The following GADL1 variants were observed in gnomAD, a reference collection of about 807,000 sequenced individuals.
GADL1 encodes the protein acidic amino acid decarboxylase GADL1.
In GADL1, 71 loss-of-function variants were observed where a neutral mutation model predicts 69.5. The observed-to-expected ratio is 1.02, with a 90% confidence interval of 0.84 to 1.25. The LOEUF (loss-of-function observed/expected upper bound fraction) is 1.25, where lower values mean the gene tolerates loss of function less well. Ranked by LOEUF, GADL1 falls within the 50% of genes most tolerant of loss-of-function variation. The pLI is 0.00. For synonymous variants in GADL1, 254 were observed against 214.4 expected (o/e 1.18, Z -1.62); for missense variants, 737 against 631.8 (o/e 1.17, Z -1.79).
intron 14 of GADL1, among the ~76,000 whole-genome samples, chr3:30,758,225 C>T (rs527946974): frequency 6.6e-6 from 1 of 151,946 alleles, no homozygotes; most frequent in Non-Finnish European, 1.5e-5. Context: ...AAGTACTATC[C>T]ACATACAGTT....
chr3:30,823,184 G>A (rs1328160592), intron 11 of GADL1, among the ~76,000 whole-genome samples: 1 of 151,912 alleles, frequency 6.6e-6, no homozygotes, highest in Non-Finnish European at 1.5e-5. Context: ...AGGGAGGTAA[G>A]CTAGAGACGT....
intron 13 of GADL1, among the ~76,000 whole-genome samples, chr3:30,779,535 A>G (rs1696612930): frequency 1.3e-5 from 2 of 152,376 alleles, no homozygotes; most frequent in East Asian, 1.9e-4. Context: ...AAATCTACAC[A>G]ATTTATACCT....
chr3:30,735,146 A>G (rs1695524452), intron 14 of GADL1, among the ~76,000 whole-genome samples: 1 of 152,136 alleles, frequency 6.6e-6, no homozygotes, highest in Non-Finnish European at 1.5e-5. Context: ...AAGCTACTTG[A>G]TCCATGCAGT....
chr3:30,844,772 T>A (rs748737871), intron 6 of GADL1, among the ~76,000 whole-genome samples: 1 of 152,120 alleles, frequency 6.6e-6, no homozygotes, highest in Non-Finnish European at 1.5e-5. Flanking sequence ...GCCTACTCCA[T>A]CTGCTCGTGC....
chr3:30,775,725 C>T (rs971225670), intron 14 of GADL1, among the ~76,000 whole-genome samples: 5 of 152,094 alleles, frequency 3.3e-5, no homozygotes, highest in Non-Finnish European at 7.3e-5. Context: ...TGGATATTTA[C>T]TGTATGATCA....
At chr3:30,847,855 A>G (rs1313453874) in intron 6 of GADL1, among the ~76,000 whole-genome samples, 1 of 152,184 alleles carries the variant, frequency 6.6e-6, no homozygotes, top group Non-Finnish European at 1.5e-5. Flanking sequence ...CCCAATTCAT[A>G]AGCCCCACCT....
At chr3:30,777,097 T>G (rs913206757) in intron 14 of GADL1, among the ~76,000 whole-genome samples, 1 of 152,144 alleles carries the variant, frequency 6.6e-6, no homozygotes, top group Non-Finnish European at 1.5e-5. Context: ...AATATTGAGT[T>G]TCTCAAGGGC....
intron 14 of GADL1, among the ~76,000 whole-genome samples, chr3:30,742,359 T>C (rs1184023753): frequency 6.6e-6 from 1 of 151,950 alleles, no homozygotes. Context: ...TCTTAGTTAT[T>C]TAATATATTT....
At chr3:30,734,132 C>T (rs764051271) in intron 14 of GADL1, among the ~76,000 whole-genome samples, 6 of 152,170 alleles carry the variant, frequency 3.9e-5, no homozygotes, top group Non-Finnish European at 1.5e-5. Flanking sequence ...TATTTATCTC[C>T]ATAACTAAAG....
At chr3:30,729,028 CAT>C (rs1695413852) in intron 14 of GADL1, among the ~76,000 whole-genome samples, 1 of 151,842 alleles carries the variant, frequency 6.6e-6, no homozygotes, top group Non-Finnish European at 1.5e-5. Flanking sequence ...ATATTATTCT[CAT>C]ATATGAAATA....
At chr3:30,776,469 GACAAAT>G (rs1696538017) in intron 14 of GADL1, among the ~76,000 whole-genome samples, 1 of 152,170 alleles carries the variant, frequency 6.6e-6, no homozygotes, top group African/African-American at 2.4e-5. Flanking sequence ...TTTTGTGTGT[GACAAAT>G]ACAAGACAAA....
chr3:30,856,919 C>T lies in GADL1; in HGVS notation c.337+96G>A, dbSNP rs146728672. ...TACTAATTTTTTGATCCAGATTTCT[C>T]GTTCCATAAGCATTGCTATACTCAG... On this transcript the variant is annotated intron_variant, in intron 3 of 14. Coordinates refer to ENST00000282538, the MANE Select transcript of GADL1 (RefSeq NM_207359.3). The T allele has an allele frequency of 2.8e-4, 273 of 968,536 alleles. 2 individuals are homozygous for T. In the African/African-American group the frequency reaches 4.1e-3, roughly 15 times the overall value. 60.0% of individuals were successfully genotyped at this position (968,536 alleles called of 1,614,324 possible).
chr3:30,767,562 G>C (rs185741746), intron 14 of GADL1, among the ~76,000 whole-genome samples: 10 of 152,188 alleles, frequency 6.6e-5, no homozygotes, highest in Admixed American at 6.5e-4. Context: ...TTCATACTTT[G>C]CATGATACAC....
intron 1 of GADL1, among the ~76,000 whole-genome samples, chr3:30,873,537 A>C (rs180705036): frequency 8.3e-4 from 126 of 152,054 alleles, no homozygotes; most frequent in African/African-American, 2.6e-3. Context: ...TATCAACCAC[A>C]CTAAACTATT....
intron 11 of GADL1, among the ~76,000 whole-genome samples, chr3:30,814,289 T>C (rs1043420935): frequency 6.6e-6 from 1 of 152,202 alleles, no homozygotes; most frequent in African/African-American, 2.4e-5. Flanking sequence ...TGAGAAATCA[T>C]AGTTAATCCC....
chr3:30,838,758 G>T (rs1362432613), intron 9 of GADL1, among the ~76,000 whole-genome samples: 2 of 152,040 alleles, frequency 1.3e-5, no homozygotes, highest in African/African-American at 4.8e-5. Context: ...GACCAAAGAT[G>T]GCTCATGGGA....
At chr3:30,752,564 C>T (rs1186068354) in intron 14 of GADL1, among the ~76,000 whole-genome samples, 5 of 152,284 alleles carry the variant, frequency 3.3e-5, no homozygotes, top group African/African-American at 9.6e-5. Flanking sequence ...CTCATAAACC[C>T]AGTCTCGAGG....
At chr3:30,814,471 T>C (rs544055252) in intron 11 of GADL1, among the ~76,000 whole-genome samples, 5 of 152,326 alleles carry the variant, frequency 3.3e-5, no homozygotes, top group African/African-American at 1.2e-4. Context: ...TTGCAAGCCA[T>C]ATGATCTCTA....
At position 30,844,444 on chromosome 3, in the gene GADL1, G is replaced by A. The variant is rs745441878; in HGVS notation, c.674C>T (p.Ala225Val). The A allele has an allele frequency of 2.5e-6, 4 of 1,612,124 alleles. No homozygotes were observed. The East Asian group carries it at 6.7e-5, about 27-fold the overall frequency. ...AGTGCCAATCCCAAGAAAAGAGGCT[G>A]CCTTCTTCATAGAGTAATGACACTG... ...SAECHYSMKKAASFLGIGTEN... is the reference protein window; with the variant it reads ...SAECHYSMKKVASFLGIGTEN... The change falls in exon 7 of 15, where the codon GCA becomes GTA. Residue 225 changes from alanine to valine, a missense_variant. Coordinates refer to ENST00000282538, the MANE Select transcript of GADL1 (RefSeq NM_207359.3).
Sources: gnomAD v4.1 joint callset for allele counts (sites outside exome capture counted in the v4.1 genomes callset) on GRCh38, gnomAD v4.1.1 for gene constraint, MANE v1.5 for transcripts, NCBI Gene and HGNC (gene_info 2026-07-23, HGNC 2026-07-21) for gene names.